The following IL1R1 variants were observed in gnomAD, a reference collection of about 807,000 sequenced individuals.
The protein encoded by IL1R1 is interleukin 1 receptor type 1.
A neutral mutation model predicts 50.2 loss-of-function variants in IL1R1; 22 were observed. That is an observed-to-expected ratio of 0.44 (90% confidence interval 0.31 to 0.63). The LOEUF is 0.63. Among genes scored for constraint, IL1R1 ranks in the 20% least tolerant of loss-of-function variants. IL1R1 has a pLI of 0.07. For synonymous variants in IL1R1, 251 were observed against 236.7 expected (o/e 1.06, Z -0.55); for missense variants, 509 against 676.2 (o/e 0.75, Z 2.74).
intron 1 of IL1R1, among the ~76,000 whole-genome samples, chr2:102,095,036 A>G (rs1679839474): frequency 6.6e-6 from 1 of 152,126 alleles, no homozygotes; most frequent in Non-Finnish European, 1.5e-5. Context: ...TCATGGGCTT[A>G]TACATATGAC....
chr2:102,077,033 G>A (rs1678998163), intron 1 of IL1R1, among the ~76,000 whole-genome samples: 1 of 151,878 alleles, frequency 6.6e-6, no homozygotes, highest in Non-Finnish European at 1.5e-5. Context: ...CTATTGCCAT[G>A]TCTTGAAATT....
intron 1 of IL1R1, among the ~76,000 whole-genome samples, chr2:102,105,629 G>T (rs1355180029): frequency 6.6e-6 from 1 of 152,196 alleles, no homozygotes; most frequent in East Asian, 1.9e-4. Context: ...CTCCCAAAGT[G>T]CTGGGATTAC....
At chr2:102,132,814 A>C (rs986430430) in intron 1 of IL1R1, among the ~76,000 whole-genome samples, 13 of 152,244 alleles carry the variant, frequency 8.5e-5, no homozygotes, top group Non-Finnish European at 1.3e-4. Flanking sequence ...GAATACTAGG[A>C]ACAAAATTAG....
upstream of IL1R1, among the ~76,000 whole-genome samples, chr2:102,103,667 C>A (rs1407036985): frequency 6.6e-6 from 1 of 151,984 alleles, no homozygotes; most frequent in East Asian, 1.9e-4. Context: ...GAATGTTCAT[C>A]GGAGTGCAGA....
In IL1R1 at chr2:102,159,636, C is replaced by T. The variant is rs3917253; in HGVS notation, c.61+1851C>T. On this transcript the variant is annotated intron_variant, in intron 3 of 11. Coordinates refer to ENST00000410023, the MANE Select transcript of IL1R1 (RefSeq NM_000877.4). ...AACACTGAGTTTTTCCAGCAAACGC[C>T]TTGGGGATAGTGCTTTTGCTGTGGA... Among the ~76,000 whole-genome samples, 324 of 152,276 alleles carry T rather than the reference C, an allele frequency of 2.1e-3. 4 individuals are homozygous for T. The highest frequency in any genetic ancestry group is 7.7e-3 in the African/African-American group (318 of 41,556).
rs72996585 is a variant in IL1R1 at position 102,124,539 on chromosome 2, T to C, written c.-84+19667T>C. 6.8e-3 allele frequency among the ~76,000 whole-genome samples: 1,030 copies of C among 151,880 alleles called. 12 individuals carry two copies. The highest frequency in any genetic ancestry group is 0.023 in the African/African-American group (948 of 41,404). On this transcript the variant is annotated intron_variant, in intron 1 of 10. Transcript: ENST00000409329. ...GGAAGCCTCGGGAAACTTATAATCA[T>C]TGTGGAAGGGGAAGCAAGTGCATCT...
intron 2 of IL1R1, among the ~76,000 whole-genome samples, chr2:102,157,364 C>T (rs1354163492): frequency 6.6e-6 from 1 of 151,994 alleles, no homozygotes; most frequent in Non-Finnish European, 1.5e-5. Context: ...CAGAGGTGAG[C>T]TGGCTTAGGG....
chr2:102,141,056 A>G (rs1299992908), upstream of IL1R1, among the ~76,000 whole-genome samples: 1 of 152,224 alleles, frequency 6.6e-6, no homozygotes, highest in African/African-American at 2.4e-5. Context: ...CATTATGAAA[A>G]TGGAAGGACG....
At chr2:102,144,030 A>C (rs1242742418) in intron 1 of IL1R1, among the ~76,000 whole-genome samples, 1 of 152,160 alleles carries the variant, frequency 6.6e-6, no homozygotes, top group Non-Finnish European at 1.5e-5. Context: ...CTCCATGACT[A>C]TTGATGAGCT....
chr2:102,080,251 A>G (rs1159550749), intron 1 of IL1R1, among the ~76,000 whole-genome samples: 1 of 152,188 alleles, frequency 6.6e-6, no homozygotes, highest in Non-Finnish European at 1.5e-5. Flanking sequence ...CCAAAATTAA[A>G]TCCTTTCATG....
At chr2:102,124,302 C>T (rs1361216134) in intron 1 of IL1R1, among the ~76,000 whole-genome samples, 4 of 152,022 alleles carry the variant, frequency 2.6e-5, no homozygotes, top group African/African-American at 9.7e-5. Flanking sequence ...CGCCTGTAAT[C>T]CCAGCTACTC....
chr2:102,085,102 G>A (rs1212414372), intron 1 of IL1R1, among the ~76,000 whole-genome samples: 1 of 152,126 alleles, frequency 6.6e-6, no homozygotes. Context: ...TTACTGATTT[G>A]CAGTGGTTTT....
rs1300689043 is a variant in IL1R1 at position 102,164,644 on chromosome 2, A to G, written c.62-130A>G. On this transcript the variant is annotated intron_variant, in intron 3 of 11. Transcript: ENST00000410023. ...CTCCCCAGATAATGATCTTATCACA[A>G]GGCTGTAAAGCTTTTATATGTAATG... is the stretch of plus-strand genomic sequence containing the variant. 4 of 648,372 alleles carry G rather than the reference A, an allele frequency of 6.2e-6. No individual in the cohort carries two copies. In the East Asian group the frequency reaches 1.1e-4, roughly 18 times the overall value. 40.2% of individuals were successfully genotyped at this position (648,372 alleles called of 1,614,324 possible).
At chr2:102,116,217 T>C (rs2104380769) in intron 1 of IL1R1, among the ~76,000 whole-genome samples, 1 of 152,342 alleles carries the variant, frequency 6.6e-6, no homozygotes, top group Non-Finnish European at 1.5e-5. Flanking sequence ...ACTTTGTTTG[T>C]CTCTCTTCAA....
chr2:102,159,816 G>A (rs2104544555), intron 3 of IL1R1, among the ~76,000 whole-genome samples: 1 of 152,302 alleles, frequency 6.6e-6, no homozygotes, highest in East Asian at 1.9e-4. Context: ...CAAAGCCTTT[G>A]TGTCTGCAAA....
Position 102,091,901 on chromosome 2 carries a change from G to A in IL1R1, c.-84+21368G>A, listed in dbSNP as rs139029440. Among the ~76,000 whole-genome samples, 799 of 152,246 alleles carry A rather than the reference G, an allele frequency of 5.2e-3. 3 individuals are homozygous for A. Among genetic ancestry groups the A allele is most frequent in the African/African-American group, 0.019 (772 of 41,536 alleles). The stretch of plus-strand genomic sequence containing the variant: ...AAATTTGTCTTTCTGTGTCTGCCTT[G>A]TTCCACTTAATGTAATGACTTCCAG... On this transcript the variant is annotated intron_variant, in intron 1 of 11. Coordinates refer to the IL1R1 transcript ENST00000409929.
chr2:102,097,884 G>C (rs1037461307), intron 1 of IL1R1, among the ~76,000 whole-genome samples: 2 of 151,920 alleles, frequency 1.3e-5, no homozygotes, highest in Admixed American at 1.3e-4. Context: ...AAAATTTTTA[G>C]AGGATAAAAA....
rs563174658 is a variant in IL1R1, at chr2:102,155,205, A to G, written c.-7+1188A>G. 6.6e-5 allele frequency among the ~76,000 whole-genome samples: 10 copies of G among 152,370 alleles called. 1 individual carries two copies. The Middle Eastern group carries it at 0.01, about 155-fold the overall frequency. On this transcript the variant is annotated intron_variant, in intron 2 of 11. Coordinates refer to ENST00000410023, the MANE Select transcript of IL1R1 (RefSeq NM_000877.4). ...GAGCATGGGCCGGTTTCCAACAGCT[A>G]ACATTTAGGAGTGACCATTTGCCAG... is the stretch of plus-strand genomic sequence containing the variant.
Position 102,164,841 on chromosome 2 carries a change from C to T in IL1R1, c.129C>T (p.Pro43=), listed in dbSNP as rs763351267. The change falls in exon 4 of 12, where the codon CCC becomes CCT. Residue 43 remains proline (P), a synonymous_variant. Coordinates refer to ENST00000410023, the MANE Select transcript of IL1R1 (RefSeq NM_000877.4). The part of the protein sequence containing the change: ...VSSANEIDVR[P]CPLNPNEHKG... ...CTGCAAATGAAATTGATGTTCGTCC[C>T]TGTCCTCTTAACCCAAATGAACACA... 9.3e-6 allele frequency: 15 copies of T among 1,613,920 alleles called. No homozygotes were observed. The highest frequency in any genetic ancestry group is 9.3e-6 in the Non-Finnish European group (11 of 1,179,948).
Sources: gnomAD v4.1 joint callset for allele counts (sites outside exome capture counted in the v4.1 genomes callset) on GRCh38, gnomAD v4.1.1 for gene constraint, MANE v1.5 for transcripts, NCBI Gene and HGNC (gene_info 2026-07-23, HGNC 2026-07-21) for gene names.